Variants in KAZN observed in about 807,000 individuals in gnomAD.
KAZN encodes the protein kazrin, periplakin interacting protein.
KAZN carries 40 observed loss-of-function variants against 87.4 expected under a neutral mutation model. The observed-to-expected ratio is 0.46, with a 90% CI of 0.36 to 0.60. The LOEUF (loss-of-function observed/expected upper bound fraction) is 0.60, where lower values mean the gene tolerates loss of function less well. Among genes scored for constraint, KAZN ranks in the 20% least tolerant of loss-of-function variants. The pLI is 0.00. For synonymous variants in KAZN, 466 were observed against 458.3 expected (o/e 1.02, Z -0.22); for missense variants, 898 against 1,073.9 (o/e 0.84, Z 2.29).
chr1:14,905,699 C>A (rs1656444739), intron 1 of KAZN, among the ~76,000 whole-genome samples: 1 of 150,628 alleles, frequency 6.6e-6, no homozygotes, highest in Non-Finnish European at 1.5e-5. Context: ...CAAAAATTAG[C>A]TGGGCATGGT....
intron 6 of KAZN, chr1:15,062,932 A>G (rs1240352784): frequency 6.6e-6 from 1 of 152,484 alleles, no homozygotes; most frequent in Non-Finnish European, 1.5e-5. Flanking sequence ...AGGACCAAGT[A>G]TGCAGTTACC....
chr1:14,146,522 G>T (rs1275742642), intron 1 of KAZN, among the ~76,000 whole-genome samples: 1 of 111,454 alleles, frequency 9.0e-6, no homozygotes, highest in African/African-American at 3.4e-5. Context: ...GGCAACAAGA[G>T]TGAAACTCCA....
At chr1:14,389,526 GA>G (rs927322394) in intron 2 of KAZN, among the ~76,000 whole-genome samples, 33 of 152,114 alleles carry the variant, frequency 2.2e-4, no homozygotes, top group Admixed American at 6.6e-5. Flanking sequence ...GCCATAAAAA[GA>G]ACAAGATCCT....
intron 2 of KAZN, among the ~76,000 whole-genome samples, chr1:14,570,192 C>T (rs1198639597): frequency 6.6e-6 from 1 of 152,104 alleles, no homozygotes; most frequent in Non-Finnish European, 1.5e-5. Context: ...GGTTCATAAC[C>T]CCATTTTGTT....
chr1:14,838,831 C>G (rs60853405), intron 1 of KAZN, among the ~76,000 whole-genome samples: 26,574 of 152,066 alleles, frequency 0.17, 2,619 homozygotes, highest in African/African-American at 0.27. Flanking sequence ...TCTATTGGCC[C>G]GGCTGATCTT....
intron 1 of KAZN, among the ~76,000 whole-genome samples, chr1:14,151,038 T>C (rs754049956): frequency 1.2e-4 from 19 of 152,224 alleles, no homozygotes; most frequent in Non-Finnish European, 2.6e-4. Flanking sequence ...TAAAACTATG[T>C]GAACAGTGTA....
chr1:14,219,077 G>A (rs1315009204), intron 2 of KAZN, among the ~76,000 whole-genome samples: 1 of 152,046 alleles, frequency 6.6e-6, no homozygotes, highest in Non-Finnish European at 1.5e-5. Context: ...AAACTCTATA[G>A]GACACACTTG....
At chr1:13,914,765 C>T (rs1427548821) in intron 1 of KAZN, among the ~76,000 whole-genome samples, 1 of 152,142 alleles carries the variant, frequency 6.6e-6, no homozygotes, top group Non-Finnish European at 1.5e-5. Flanking sequence ...ATCACTTGGG[C>T]CTGAGGGAAG....
chr1:14,747,299 A>G (rs1007282317), intron 1 of KAZN, among the ~76,000 whole-genome samples: 1 of 152,018 alleles, frequency 6.6e-6, no homozygotes, highest in Non-Finnish European at 1.5e-5. Context: ...TTTTTGAGAC[A>G]GGGTTTATCT....
At chr1:14,303,588 C>T (rs75045455) in intron 2 of KAZN, among the ~76,000 whole-genome samples, 1,793 of 152,274 alleles carry the variant, frequency 0.012, 22 homozygotes, top group Middle Eastern at 0.031. Context: ...CATTCTGATA[C>T]ACAACAAAGT....
In KAZN at chr1:15,094,213, G is replaced by A. The variant is rs985599187; in HGVS notation, c.1256G>A (p.Ser419Asn). The change falls in exon 9 of 15, where the codon AGC (serine) becomes AAC (asparagine). Residue 419 changes from serine to asparagine, a missense_variant. Transcript: ENST00000376030. This position sits in a 1 kb window ranked among gnomAD's most constrained non-coding sequence, Gnocchi z 4.5. ...AGCCAGTGCAGCCCCACGCGGCAGA[G>A]CCTCAGCCTGTCGGAAGGCGAGGAG... ...SDSQCSPTRQ[S>N]LSLSEGEEQM... is the part of the protein sequence containing the mutation. The A allele has an allele frequency of 3.1e-6, 5 of 1,613,642 alleles. No homozygotes were observed. The African/African-American group carries it at 5.3e-5, about 17-fold the overall frequency.
chr1:14,087,163 G>A (rs1226631489), intron 1 of KAZN, among the ~76,000 whole-genome samples: 1 of 152,052 alleles, frequency 6.6e-6, no homozygotes. Context: ...GTTGTTTTAA[G>A]TTTTCTCAGA....
chr1:14,409,387 A>G (rs1244690409), intron 2 of KAZN, among the ~76,000 whole-genome samples: 1 of 152,224 alleles, frequency 6.6e-6, no homozygotes, highest in African/African-American at 2.4e-5. Flanking sequence ...TGAAAGGTAG[A>G]TGGAGGAAAA....
intron 2 of KAZN, among the ~76,000 whole-genome samples, chr1:14,262,456 A>T (rs531023454): frequency 1.1e-4 from 17 of 152,308 alleles, no homozygotes; most frequent in African/African-American, 4.1e-4. Context: ...AAAGTTTATA[A>T]CTTTCTACAT....
chr1:14,060,267 G>A (rs1642737554), intron 1 of KAZN, among the ~76,000 whole-genome samples: 1 of 151,768 alleles, frequency 6.6e-6, no homozygotes, highest in Non-Finnish European at 1.5e-5. Context: ...GAAGGCTGAG[G>A]CAGGAGAATG....
chr1:14,116,717 A>G (rs1358043165), intron 1 of KAZN, among the ~76,000 whole-genome samples: 1 of 152,142 alleles, frequency 6.6e-6, no homozygotes, highest in Non-Finnish European at 1.5e-5. Flanking sequence ...AGATCCACTG[A>G]CAGCTCCCAC....
chr1:14,145,983 G>A (rs1043653995), intron 1 of KAZN, among the ~76,000 whole-genome samples: 1 of 152,002 alleles, frequency 6.6e-6, no homozygotes, highest in African/African-American at 2.4e-5. Flanking sequence ...TGAATTTATG[G>A]TATTCTAATA....
intron 1 of KAZN, among the ~76,000 whole-genome samples, chr1:14,048,760 A>T (rs1447503695): frequency 6.6e-6 from 1 of 152,158 alleles, no homozygotes; most frequent in Middle Eastern, 3.2e-3. Flanking sequence ...CCTTTCAATG[A>T]TTTATAATCC....
intron 2 of KAZN, among the ~76,000 whole-genome samples, chr1:15,026,176 C>T (rs1177917611): frequency 6.6e-6 from 1 of 152,116 alleles, no homozygotes; most frequent in Admixed American, 6.5e-5. Context: ...TCAAGTCAGC[C>T]TGTATTTTCT....
Sources: gnomAD v4.1 joint callset for allele counts (sites outside exome capture counted in the v4.1 genomes callset) on GRCh38, gnomAD v4.1.1 for gene constraint, Gnocchi (gnomAD v3.1) non-coding constraint, MANE v1.5 for transcripts, NCBI Gene and HGNC (gene_info 2026-07-23, HGNC 2026-07-21) for gene names.